MAP4K5: variants seen among roughly 807,000 people sequenced by gnomAD.
MAP4K5 encodes MAPK/ERK kinase kinase kinase 5.
MAP4K5 carries 82 observed loss-of-function variants against 135.6 expected under a neutral mutation model. The observed-to-expected ratio is 0.60, with a 90% CI of 0.51 to 0.73. MAP4K5 has a LOEUF of 0.73. MAP4K5 is among the 30% of genes least tolerant of loss of function. The pLI, the probability that MAP4K5 is intolerant of heterozygous loss-of-function variation, is 0.00. For synonymous variants in MAP4K5, 347 were observed against 335.0 expected (o/e 1.04, Z -0.39); for missense variants, 907 against 1,010.9 (o/e 0.90, Z 1.39).
At chr14:50,534,909 T>G (rs1432356096), upstream of MAP4K5, among the ~76,000 whole-genome samples, 1 of 152,242 alleles carries the variant, frequency 6.6e-6, no homozygotes. Context: ...TAATTTTACA[T>G]CCTAGACAAT....
intron 1 of MAP4K5, among the ~76,000 whole-genome samples, chr14:50,554,921 GTAGA>G (rs943343571): frequency 1.3e-5 from 2 of 152,296 alleles, no homozygotes; most frequent in African/African-American, 4.8e-5. Flanking sequence ...ATGGAAGATG[GTAGA>G]GTGCACCTTT....
chr14:50,426,043 TACTTTTAATA>T (rs774127264), intron 30 of MAP4K5, 66 bp from the exon 31 acceptor site: 28 of 1,011,832 alleles, frequency 2.8e-5, no homozygotes, highest in Non-Finnish European at 4.2e-5. Flanking sequence ...AAATTTTCTC[TACTTTTAATA>T]AATAATATAA....
upstream of MAP4K5, among the ~76,000 whole-genome samples, chr14:50,533,862 A>G (rs1213926537): frequency 2.6e-5 from 4 of 152,244 alleles, no homozygotes; most frequent in Admixed American, 6.5e-5. Flanking sequence ...CCTTAACAGG[A>G]CAGGGCATAT....
At chr14:50,544,854 A>G (rs1371038841) in intron 1 of MAP4K5, among the ~76,000 whole-genome samples, 2 of 147,730 alleles carry the variant, frequency 1.4e-5, no homozygotes, top group Non-Finnish European at 3.0e-5. Context: ...GGAGGATTGC[A>G]TGAGCCTGGG....
intron 3 of MAP4K5, among the ~76,000 whole-genome samples, chr14:50,487,557 A>G (rs1166133702): frequency 6.6e-6 from 1 of 152,234 alleles, no homozygotes; most frequent in Non-Finnish European, 1.5e-5. Context: ...TAACCTGGGA[A>G]AACATGTATT....
At chr14:50,535,001 A>G (rs999900508), upstream of MAP4K5, among the ~76,000 whole-genome samples, 1 of 152,208 alleles carries the variant, frequency 6.6e-6, no homozygotes, top group Admixed American at 6.5e-5. Context: ...TTTCTTACAA[A>G]CCACCCAGTT....
At chr14:50,500,941 T>C (rs765104170) in intron 3 of MAP4K5, among the ~76,000 whole-genome samples, 2 of 152,174 alleles carry the variant, frequency 1.3e-5, no homozygotes, top group Non-Finnish European at 2.9e-5. Flanking sequence ...GAAAATCTTT[T>C]TGATAATATG....
At chr14:50,524,719 G>A (rs2038225095) in intron 2 of MAP4K5, among the ~76,000 whole-genome samples, 1 of 152,064 alleles carries the variant, frequency 6.6e-6, no homozygotes, top group African/African-American at 2.4e-5. Flanking sequence ...AAGACAGAGA[G>A]TAGAGTGCAT....
chr14:50,448,683 T>C, intron 15 of MAP4K5, 91 bp downstream of exon 15: 2 of 695,898 alleles, frequency 2.9e-6, no homozygotes, highest in African/African-American at 1.8e-5. Context: ...AAAGAGTATA[T>C]TACTTTGTTT....
At chr14:50,531,915 GA>G (rs1421714362) in intron 2 of MAP4K5, 26 bp downstream of exon 2, 9 of 1,509,188 alleles carry the variant, frequency 6.0e-6, no homozygotes, top group Admixed American at 3.7e-5. Flanking sequence ...TCGACCGCAG[GA>G]AAAAAGCACG....
intron 2 of MAP4K5, among the ~76,000 whole-genome samples, chr14:50,513,043 G>A (rs918433894): frequency 4.6e-5 from 7 of 152,044 alleles, no homozygotes; most frequent in African/African-American, 1.7e-4. Context: ...TAAACACCTA[G>A]AAATCTAATA....
Position 50,488,002 on chromosome 14 carries a change from T to C in MAP4K5, c.167-1808A>G, listed in dbSNP as rs558008147. 6.8e-4 allele frequency among the ~76,000 whole-genome samples: 104 copies of C among 152,218 alleles called. 1 individual carries two copies. Among genetic ancestry groups the C allele is most frequent in the African/African-American group, 2.3e-3 (97 of 41,514 alleles). ...AATTTTGTTAATATATGTGTATATA[T>C]ATTAACACATATATATATAGTCCAT... On this transcript the variant is annotated intron_variant, in intron 3 of 32. Coordinates refer to ENST00000682126, the MANE Select transcript of MAP4K5 (RefSeq NM_006575.6).
intron 2 of MAP4K5, among the ~76,000 whole-genome samples, chr14:50,529,079 G>A (rs918695111): frequency 1.3e-5 from 2 of 152,064 alleles, no homozygotes; most frequent in African/African-American, 4.8e-5. Context: ...CACACGCAGG[G>A]TATCATTAGA....
intron 2 of MAP4K5, among the ~76,000 whole-genome samples, chr14:50,519,499 C>T (rs2038103118): frequency 6.6e-6 from 1 of 151,682 alleles, no homozygotes; most frequent in Admixed American, 6.6e-5. Context: ...TATAAAAATA[C>T]AAAAATTAGT....
At chr14:50,485,095 G>C (rs1373585271) in intron 5 of MAP4K5, among the ~76,000 whole-genome samples, 2 of 152,044 alleles carry the variant, frequency 1.3e-5, no homozygotes. Flanking sequence ...AGACTGTAAT[G>C]TCAAATTCAA....
intron 13 of MAP4K5, among the ~76,000 whole-genome samples, chr14:50,462,374 C>G (rs1379746885): frequency 6.6e-6 from 1 of 152,098 alleles, no homozygotes; most frequent in African/African-American, 2.4e-5. Context: ...ATCTCAGCTA[C>G]CAAAACTTCA....
At chr14:50,480,158 GTTT>G (rs931469113) in intron 6 of MAP4K5, among the ~76,000 whole-genome samples, 1 of 148,502 alleles carries the variant, frequency 6.7e-6, no homozygotes, top group African/African-American at 2.5e-5. Context: ...CTTCATATTG[GTTT>G]TTTTTTTATT....
At chr14:50,502,323 A>G (rs2037723522) in intron 3 of MAP4K5, among the ~76,000 whole-genome samples, 1 of 152,150 alleles carries the variant, frequency 6.6e-6, no homozygotes, top group African/African-American at 2.4e-5. Context: ...AGTTGCAAAA[A>G]CCACGAAAAA....
chr14:50,520,895 C>T lies in MAP4K5; in HGVS notation c.108+11047G>A, dbSNP rs114495203. Among the ~76,000 whole-genome samples, 773 of 151,128 alleles carry T rather than the reference C, an allele frequency of 5.1e-3. 7 individuals carry two copies. The highest frequency in any genetic ancestry group is 0.018 in the African/African-American group (730 of 41,098). On this transcript the variant is annotated intron_variant, in intron 2 of 32. Transcript: ENST00000682126. ...TGGAGTGCAGTGGCGCGATCTTTGCCCACCGCAACCTCCACCTCCCAGTTC... is the reference window on the plus strand; with the variant it reads ...TGGAGTGCAGTGGCGCGATCTTTGCTCACCGCAACCTCCACCTCCCAGTTC...
Sources: allele counts gnomAD v4.1 joint callset (sites outside exome capture counted in the v4.1 genomes callset), GRCh38; gene constraint gnomAD v4.1.1; transcripts MANE v1.5; gene names NCBI Gene and HGNC (gene_info 2026-07-23, HGNC 2026-07-21).